Variants in OR8B2 observed in about 807,000 individuals in gnomAD.
OR8B2 encodes the protein olfactory receptor 8B2.
For synonymous variants in OR8B2, 98 were observed against 138.2 expected, an observed-to-expected ratio of 0.71 and a Z score of 2.04; for missense variants, 304 against 379.6, an observed-to-expected ratio of 0.80 and a Z score of 1.65.
chr11:124,395,502 T>C, the OR8B2 span: 1 of 152,200 alleles, frequency 6.6e-6, no homozygotes, highest in Admixed American at 6.6e-5. Flanking sequence ...AAAATTAATA[T>C]ACATTTTTTC....
the OR8B2 span, among the ~76,000 whole-genome samples, chr11:124,395,030 G>T: frequency 6.6e-6 from 1 of 151,920 alleles, no homozygotes; most frequent in East Asian, 1.9e-4. Context: ...TAAAAAGTAG[G>T]GAGGCATGAT....
chr11:124,389,790 C>T, the OR8B2 span, among the ~76,000 whole-genome samples: 1 of 152,068 alleles, frequency 6.6e-6, no homozygotes, highest in African/African-American at 2.4e-5. Context: ...CCATAAAAAT[C>T]ACATACAGTG....
At chr11:124,394,326 A>G in the OR8B2 span, among the ~76,000 whole-genome samples, 1 of 152,088 alleles carries the variant, frequency 6.6e-6, no homozygotes, top group African/African-American at 2.4e-5. Context: ...TTTGTCATTT[A>G]GGGTCCCCTT....
chr11:124,394,757 G>C, the OR8B2 span, among the ~76,000 whole-genome samples: 2 of 152,046 alleles, frequency 1.3e-5, no homozygotes, highest in Non-Finnish European at 2.9e-5. Context: ...CTCTTCATGG[G>C]GAGCTGAGCT....
chr11:124,386,323 T>C (rs1860699252), upstream of OR8B2, among the ~76,000 whole-genome samples: 1 of 149,834 alleles, frequency 6.7e-6, no homozygotes, highest in South Asian at 2.2e-4. Flanking sequence ...TAGTTACATA[T>C]GTATACATGT....
At chr11:124,396,558 C>A in the OR8B2 span, 11 of 1,613,322 alleles carry the variant, frequency 6.8e-6, no homozygotes, top group South Asian at 7.7e-5. Flanking sequence ...CTCCATAGAT[C>A]CAGAAGAATA....
upstream of OR8B2, among the ~76,000 whole-genome samples, chr11:124,385,654 A>G (rs1435645305): frequency 6.8e-6 from 1 of 146,818 alleles, no homozygotes; most frequent in African/African-American, 2.5e-5. Context: ...TTTTAAAGAC[A>G]GGGTCCTACT....
In OR8B2 at chr11:124,382,530, C is replaced by T. The variant is rs1565346073; in HGVS notation, c.814G>A (p.Val272Ile). ...YSSGSMEQGK[V>I]SSVFYTNVVP... ...ACATTAGTGTAGAAAACAGAAGAAACTTTTCCCTGCTCCATAGATCCAGAA... is the reference window on the plus strand; with the variant it reads ...ACATTAGTGTAGAAAACAGAAGAAATTTTTCCCTGCTCCATAGATCCAGAA... Residue 272 changes from valine (V) to isoleucine (I), a missense_variant, in exon 2 of 2, where the codon GTT becomes ATT. Coordinates refer to ENST00000641451, the MANE Select transcript of OR8B2 (RefSeq NM_001005468.2). 1.9e-6 allele frequency: 3 copies of T among 1,613,714 alleles called. No homozygotes were observed. Among genetic ancestry groups the T allele is most frequent in the Non-Finnish European group, 2.5e-6 (3 of 1,179,886 alleles).
chr11:124,390,184 CAA>C, the OR8B2 span, among the ~76,000 whole-genome samples: 32 of 152,024 alleles, frequency 2.1e-4, no homozygotes, highest in African/African-American at 7.2e-4. Flanking sequence ...TTGACTGGGA[CAA>C]AGTCTAGGTA....
At chr11:124,396,967 G>T in the OR8B2 span, 1 of 1,613,332 alleles carries the variant, frequency 6.2e-7, no homozygotes, top group South Asian at 1.1e-5. Context: ...TACAGCAATG[G>T]ATTACAGATG....
upstream of OR8B2, among the ~76,000 whole-genome samples, chr11:124,387,740 G>A (rs563132932): frequency 7.7e-4 from 111 of 144,282 alleles, no homozygotes; most frequent in Non-Finnish European, 1.1e-3. Flanking sequence ...TTGGTGATGC[G>A]GGCTCTTTTT....
At chr11:124,394,604 A>G in the OR8B2 span, among the ~76,000 whole-genome samples, 2 of 152,168 alleles carry the variant, frequency 1.3e-5, 1 homozygote, top group Admixed American at 1.3e-4. Context: ...GAAATTGGCC[A>G]GCTCTCTTTA....
upstream of OR8B2, among the ~76,000 whole-genome samples, chr11:124,388,273 C>T (rs540943396): frequency 2.8e-5 from 4 of 143,640 alleles, no homozygotes; most frequent in Non-Finnish European, 6.1e-5. Context: ...CCTGATTGCC[C>T]TGGCCAGAAC....
upstream of OR8B2, among the ~76,000 whole-genome samples, chr11:124,387,232 T>G (rs1486962140): frequency 6.6e-6 from 1 of 152,264 alleles, no homozygotes; most frequent in Admixed American, 6.5e-5. Context: ...GATGGTAGTT[T>G]CTTTTCTTGT....
At chr11:124,395,723 T>A in the OR8B2 span, 1 of 152,210 alleles carries the variant, frequency 6.6e-6, no homozygotes, top group Admixed American at 6.5e-5. Context: ...GGTCCACATG[T>A]ATTATTTCTC....
At chr11:124,390,387 A>G in the OR8B2 span, among the ~76,000 whole-genome samples, 153 of 152,300 alleles carry the variant, frequency 1.0e-3, 2 homozygotes, top group African/African-American at 3.4e-3. Context: ...TGGCTTCCCT[A>G]GGCCACATTG....
the OR8B2 span, among the ~76,000 whole-genome samples, chr11:124,394,642 G>A: frequency 2.9e-3 from 443 of 152,188 alleles, 2 homozygotes; most frequent in African/African-American, 0.01. Flanking sequence ...TGAGTCATTG[G>A]CTCAGGACAT....
At chr11:124,391,179 T>C in the OR8B2 span, among the ~76,000 whole-genome samples, 3,029 of 151,988 alleles carry the variant, frequency 0.02, 93 homozygotes, top group African/African-American at 0.067. Flanking sequence ...AGATCCAAAA[T>C]TGACACCCTA....
At chr11:124,394,117 A>AG in the OR8B2 span, among the ~76,000 whole-genome samples, 1 of 74,088 alleles carries the variant, frequency 1.3e-5, no homozygotes, top group East Asian at 4.4e-4. Context: ...GGGTGGGGGG[A>AG]GGGGGGAGGG....
Sources: allele counts gnomAD v4.1 joint callset (sites outside exome capture counted in the v4.1 genomes callset), GRCh38; gene constraint gnomAD v4.1.1; transcripts MANE v1.5; gene names NCBI Gene and HGNC (gene_info 2026-07-23, HGNC 2026-07-21).